CKS2: variants seen among roughly 807,000 people sequenced by gnomAD.
The protein encoded by CKS2 is cyclin-dependent kinases regulatory subunit 2.
A neutral mutation model predicts 14.3 loss-of-function variants in CKS2; 4 were observed. The ratio of observed to expected loss-of-function variants is 0.28; its 90% CI spans 0.14 to 0.64. CKS2 has a LOEUF of 0.64. Ranked by LOEUF, CKS2 falls within the 30% of genes least tolerant of loss-of-function variation. The pLI, the probability that CKS2 is intolerant of heterozygous loss-of-function variation, is 0.83. For synonymous variants in CKS2, 33 were observed against 28.7 expected, an observed-to-expected ratio of 1.15 and a Z score of -0.48; for missense variants, 71 against 94.3, an observed-to-expected ratio of 0.75 and a Z score of 1.02.
rs1443247190 is a variant in CKS2, at chr9:89,315,394, C to A, written c.187+97C>A. The A allele has an allele frequency of 3.8e-6, 4 of 1,061,836 alleles. No homozygotes were observed. In the East Asian group the frequency reaches 1.2e-4, roughly 31 times the overall value. 65.8% of individuals were successfully genotyped at this position (1,061,836 alleles called of 1,614,324 possible). A position where few individuals can be genotyped will look rare whatever the true frequency, so the allele number is the denominator to read the frequency against. ...AAATATCATTGACATCAAATGATAT[C>A]TGAAAGTAACTGTTCTGATAAGTTT... On this transcript the variant is annotated intron_variant, in intron 2 of 2. Coordinates refer to ENST00000314355, the MANE Select transcript of CKS2 (RefSeq NM_001827.3).
chr9:89,313,894 C>T (rs1824662557), intron 1 of CKS2, among the ~76,000 whole-genome samples: 1 of 152,208 alleles, frequency 6.6e-6, no homozygotes, highest in Admixed American at 6.5e-5. Flanking sequence ...TAAGCTATGA[C>T]TTGGTGGCCT....
intron 1 of CKS2, 27 bp from the exon 2 acceptor site, chr9:89,315,143 C>T: frequency 1.3e-6 from 2 of 1,591,980 alleles, no homozygotes; most frequent in Non-Finnish European, 1.7e-6. Context: ...AGGCACTGGA[C>T]TAACACTTGG....
intron 1 of CKS2, chr9:89,312,318 A>G (rs3211671): frequency 0.029 from 4,532 of 154,802 alleles, 226 homozygotes; most frequent in African/African-American, 0.1. Flanking sequence ...TCCTTACTGT[A>G]TGCGGGACAC....
Position 89,311,224 on chromosome 9 carries a change from T to C in CKS2, c.-69T>C, listed in dbSNP as rs1028272809. ...GTCTCCGGCGAGTTGTTGCCTGGGC[T>C]GGACGTGGTTTTGTCTGCTGCGCCC... On this transcript the variant is annotated 5_prime_UTR_variant, in exon 1 of 3. Transcript: ENST00000314355. The C allele has an allele frequency of 2.5e-5, 33 of 1,325,004 alleles. No homozygotes were observed. Among genetic ancestry groups the C allele is most frequent in the African/African-American group, 1.8e-4 (12 of 68,552 alleles). 82.1% of individuals were successfully genotyped at this position (1,325,004 alleles called of 1,614,324 possible).
intron 1 of CKS2, among the ~76,000 whole-genome samples, chr9:89,314,745 C>G (rs915906799): frequency 6.6e-6 from 1 of 152,176 alleles, no homozygotes; most frequent in African/African-American, 2.4e-5. Context: ...TAGATTCCTG[C>G]TCTGGCTCCC....
At chr9:89,311,480 A>T in intron 1 of CKS2, 129 bp downstream of exon 1, 1 of 609,682 alleles carries the variant, frequency 1.6e-6, no homozygotes, top group Non-Finnish European at 2.6e-6. Flanking sequence ...CCGGAGGGCG[A>T]GGGCCGGGGT....
chr9:89,311,298 C>G lies in CKS2; in HGVS notation c.6C>G (p.Ala2=), dbSNP rs760914609. Residue 2 remains alanine (A), a synonymous_variant, in exon 1 of 3, where the codon GCC becomes GCG. Transcript: ENST00000314355. ...TTCTGCAGCGCGCCAGCAGGATGGC[C>G]CACAAGCAGATCTACTACTCGGACA... M[A]HKQIYYSDKY... 37 of 1,611,414 alleles carry G rather than the reference C, an allele frequency of 2.3e-5. No homozygotes were observed. Among genetic ancestry groups the G allele is most frequent in the Non-Finnish European group, 3.1e-5 (37 of 1,178,918 alleles).
chr9:89,312,859 G>A (rs1047288014), intron 1 of CKS2, among the ~76,000 whole-genome samples: 2 of 152,142 alleles, frequency 1.3e-5, no homozygotes, highest in African/African-American at 2.4e-5. Context: ...AACACATCTG[G>A]TGCCAAGTGT....
intron 1 of CKS2, 121 bp downstream of exon 1, chr9:89,311,472 G>A (rs1824607155): frequency 1.5e-6 from 1 of 646,562 alleles, no homozygotes. Flanking sequence ...GCCCGGGGCC[G>A]GAGGGCGAGG....
chr9:89,315,625 G>A (rs1824696563), intron 2 of CKS2, among the ~76,000 whole-genome samples: 1 of 151,620 alleles, frequency 6.6e-6, no homozygotes. Context: ...TAAGACAAGT[G>A]TTCTTATCTA....
chr9:89,315,691 A>G (rs1042127455), intron 2 of CKS2, among the ~76,000 whole-genome samples: 30 of 152,192 alleles, frequency 2.0e-4, no homozygotes, highest in African/African-American at 7.2e-4. Context: ...AAGGATATAT[A>G]CCACATGAAG....
rs776761890 is a variant in CKS2 at position 89,311,201 on chromosome 9, C to T, written c.-92C>T. The T allele has an allele frequency of 4.8e-6, 5 of 1,039,118 alleles. No homozygotes were observed. The highest frequency in any genetic ancestry group is 7.3e-6 in the Non-Finnish European group (5 of 681,674). 64.4% of individuals were successfully genotyped at this position (1,039,118 alleles called of 1,614,324 possible). On this transcript the variant is annotated 5_prime_UTR_variant, in exon 1 of 3. Coordinates refer to ENST00000314355, the MANE Select transcript of CKS2 (RefSeq NM_001827.3). ...GATCGTTGGGACTGCGGTCGTTAGT[C>T]TCCGGCGAGTTGTTGCCTGGGCTGG...
At chr9:89,314,658 T>A (rs3211679) in intron 1 of CKS2, among the ~76,000 whole-genome samples, 8,767 of 152,254 alleles carry the variant, frequency 0.058, 365 homozygotes, top group Middle Eastern at 0.12. Context: ...GGATAACAGC[T>A]TTACAGTCAA....
chr9:89,316,076 C>T (rs897955246), intron 2 of CKS2, among the ~76,000 whole-genome samples: 2 of 152,114 alleles, frequency 1.3e-5, no homozygotes, highest in Non-Finnish European at 2.9e-5. Flanking sequence ...AACTGAAGAA[C>T]TTAAGTGTAG....
At chr9:89,311,453 G>T in intron 1 of CKS2, 102 bp downstream of exon 1, 1 of 813,100 alleles carries the variant, frequency 1.2e-6, no homozygotes. Flanking sequence ...CCGGGGCCTG[G>T]GGGGCGGAGC....
At chr9:89,316,270 G>A (rs1824710635) in intron 2 of CKS2, 103 bp from the exon 3 acceptor site, 2 of 745,042 alleles carry the variant, frequency 2.7e-6, no homozygotes, top group South Asian at 3.4e-5. Context: ...AATTAATAGT[G>A]GACTTAGTTT....
Position 89,316,477 on chromosome 9 carries a change from A to G in CKS2, c.*52A>G. The G allele has an allele frequency of 9.3e-7, 1 of 1,079,544 alleles. No homozygotes were observed. Among genetic ancestry groups the G allele is most frequent in the Non-Finnish European group, 1.4e-6 (1 of 713,352 alleles). The allele number at this position is 1,079,544 out of a possible 1,614,324, so 66.9% of individuals were successfully genotyped here. The stretch of plus-strand genomic sequence containing the variant: ...TTTCAAATTTAATGTATATGTGTAT[A>G]TAAGGTAGTATTCAGTGAATACTTG... On this transcript the variant is annotated 3_prime_UTR_variant, in exon 3 of 3. Transcript: ENST00000314355.
chr9:89,311,557 G>C (rs1160877728), intron 1 of CKS2, among the ~76,000 whole-genome samples: 2 of 152,260 alleles, frequency 1.3e-5, no homozygotes, highest in Non-Finnish European at 2.9e-5. Flanking sequence ...GCGCCGGGCC[G>C]GTTGGGCCTT....
In CKS2 at chr9:89,315,228, G is replaced by C. The variant is rs750152864; in HGVS notation, c.118G>C (p.Glu40Gln). 1.6e-5 allele frequency: 25 copies of C among 1,611,574 alleles called. No homozygotes were observed. The Admixed American group carries it at 4.2e-4, about 27-fold the overall frequency. The change falls in exon 2 of 3, where the codon GAA (glutamate) becomes CAA (glutamine). Residue 40 changes from glutamate (E) to glutamine (Q), a missense_variant. Physicochemically the swap from Glu to Gln is conservative, Grantham distance 29. Coordinates refer to ENST00000314355, the MANE Select transcript of CKS2 (RefSeq NM_001827.3). ...KQVPKTHLMSEEEWRRLGVQQ... is the reference protein window; with the variant it reads ...KQVPKTHLMSQEEWRRLGVQQ... ...AGTACCTAAAACTCATCTGATGTCT[G>C]AAGAGGAGTGGAGGAGACTTGGTGT...
Sources: gnomAD v4.1 joint callset for allele counts (sites outside exome capture counted in the v4.1 genomes callset) on GRCh38, gnomAD v4.1.1 for gene constraint, MANE v1.5 for transcripts, NCBI Gene and HGNC (gene_info 2026-07-23, HGNC 2026-07-21) for gene names.